The following MTFR1 variants were observed in gnomAD, a reference collection of about 807,000 sequenced individuals.
MTFR1 encodes mitochondrial fission regulator 1.
In MTFR1, 28 loss-of-function variants were observed where a neutral mutation model predicts 38.8. The ratio of observed to expected loss-of-function variants is 0.72; its 90% CI spans 0.53 to 0.99. MTFR1 has a LOEUF of 0.99. MTFR1 is among the 50% of genes least tolerant of loss of function. The pLI is 0.00. For missense variants in MTFR1, 358 were observed against 395.5 expected, an observed-to-expected ratio of 0.91 and a Z score of 0.81; for synonymous variants, 145 against 137.0, an observed-to-expected ratio of 1.06 and a Z score of -0.41.
intron 7 of MTFR1, 42 bp downstream of exon 7, chr8:65,708,053 C>CCAT (rs756529200): frequency 1.2e-6 from 2 of 1,607,588 alleles, no homozygotes; most frequent in East Asian, 4.5e-5. Flanking sequence ...ATGTAGAAAT[C>CCAT]CATCCCATTG....
chr8:65,759,110 C>T (rs567980638), intron 3 of MTFR1, among the ~76,000 whole-genome samples: 2 of 152,334 alleles, frequency 1.3e-5, no homozygotes, highest in South Asian at 4.1e-4. Flanking sequence ...TACTTGCTTG[C>T]ATTTTACGTC....
intron 3 of MTFR1, among the ~76,000 whole-genome samples, chr8:65,733,630 A>G (rs183980659): frequency 8.5e-4 from 129 of 152,264 alleles, no homozygotes; most frequent in Non-Finnish European, 1.2e-3. Context: ...TAGAGAAAAA[A>G]AAACAGTTGG....
chr8:65,749,801 C>T (rs1807851354), intron 3 of MTFR1, among the ~76,000 whole-genome samples: 1 of 152,146 alleles, frequency 6.6e-6, no homozygotes, highest in Non-Finnish European at 1.5e-5. Context: ...TGTTTACTCA[C>T]AAGGGTTTTT....
At chr8:65,698,629 A>G (rs1331195504) in intron 4 of MTFR1, among the ~76,000 whole-genome samples, 2 of 152,106 alleles carry the variant, frequency 1.3e-5, no homozygotes, top group Non-Finnish European at 2.9e-5. Context: ...TGTTTGGTGT[A>G]CAGATTATTT....
intron 3 of MTFR1, among the ~76,000 whole-genome samples, chr8:65,763,020 TGTGTGTG>T (rs1808589254): frequency 6.6e-6 from 1 of 151,280 alleles, no homozygotes; most frequent in African/African-American, 2.4e-5. Context: ...TGTGTGTGTG[TGTGTGTG>T]TGTGTGTGTG....
intron 3 of MTFR1, among the ~76,000 whole-genome samples, chr8:65,729,214 G>GC (rs928134206): frequency 6.6e-6 from 1 of 152,110 alleles, no homozygotes; most frequent in African/African-American, 2.4e-5. Flanking sequence ...TATCTGCAAA[G>GC]CCATCATTAG....
At chr8:65,693,871 T>C in intron 4 of MTFR1, 112 bp downstream of exon 4, 1 of 748,076 alleles carries the variant, frequency 1.3e-6, no homozygotes, top group South Asian at 1.7e-5. Context: ...TAATGCACCC[T>C]CTTCTTTTTC....
At chr8:65,647,366 G>A (rs1808988232) in intron 1 of MTFR1, among the ~76,000 whole-genome samples, 1 of 152,188 alleles carries the variant, frequency 6.6e-6, no homozygotes, top group Non-Finnish European at 1.5e-5. Flanking sequence ...AGGATGCAGT[G>A]CAGTGGTGTG....
Position 65,719,286 on chromosome 8 carries a change from G to C in MTFR1, c.382-94G>C, listed in dbSNP as rs774975473. 1.1e-5 allele frequency: 17 copies of C among 1,607,284 alleles called. 1 individual carries two copies. Among genetic ancestry groups the C allele is most frequent in the Non-Finnish European group, 9.4e-6 (11 of 1,173,902 alleles). On this transcript the variant is annotated intron_variant, in intron 2 of 3. Coordinates refer to the MTFR1 transcript ENST00000521247. ...GAGGCAGTTTGTCCCACTGGTTCTG[G>C]GGGTTATGATAACCGATTTTCCTGA... is the stretch of plus-strand genomic sequence containing the variant.
At position 65,665,974 on chromosome 8, in the gene MTFR1, ATACT is replaced by A. The variant is rs1804370885; in HGVS notation, c.-80-3895_-80-3892del. The stretch of plus-strand genomic sequence containing the variant: ...GTTCCTATCTAGAGATAACTTGTTA[ATACT>A]TACCATTTAGTAGGTAGCACAACAA... On this transcript the variant is annotated intron_variant, in intron 1 of 7. Coordinates refer to ENST00000262146, the MANE Select transcript of MTFR1 (RefSeq NM_014637.4). Among the ~76,000 whole-genome samples, 5 of 152,358 alleles carry A rather than the reference ATACT, an allele frequency of 3.3e-5. No homozygotes were observed. In the South Asian group the frequency reaches 8.3e-4, roughly 25 times the overall value.
intron 3 of MTFR1, chr8:65,689,491 T>G (rs940708758): frequency 3.7e-5 from 32 of 856,938 alleles, no homozygotes; most frequent in Non-Finnish European, 4.9e-5. Context: ...ATTGAATTTT[T>G]GCTCTGAATG....
chr8:65,659,774 TG>T (rs1809361500), intron 1 of MTFR1, among the ~76,000 whole-genome samples: 1 of 152,224 alleles, frequency 6.6e-6, no homozygotes, highest in South Asian at 2.1e-4. Flanking sequence ...GAAGATAAAC[TG>T]ATTCATTGTA....
chr8:65,687,933 C>T (rs1047963951), intron 3 of MTFR1, among the ~76,000 whole-genome samples: 1 of 151,758 alleles, frequency 6.6e-6, no homozygotes, highest in African/African-American at 2.4e-5. Flanking sequence ...AACTCTGTCT[C>T]TATTAAAAAT....
At chr8:65,690,556 CTTTGTTTT>C (rs1805245250) in intron 3 of MTFR1, among the ~76,000 whole-genome samples, 1 of 147,456 alleles carries the variant, frequency 6.8e-6, no homozygotes, top group Admixed American at 7.0e-5. Flanking sequence ...AAAAGTAGTA[CTTTGTTTT>C]TTTGTTTTTC....
In MTFR1 at chr8:65,709,109, T is replaced by C. The variant is rs1316218621; in HGVS notation, c.*65T>C. On this transcript the variant is annotated 3_prime_UTR_variant, in exon 8 of 8. Coordinates refer to ENST00000262146, the MANE Select transcript of MTFR1 (RefSeq NM_014637.4). ...GATTTGTGAGGGCCAAGTTTGCTAG[T>C]AGAAATCGACACTGTTTAGTAAATA... is the stretch of plus-strand genomic sequence containing the variant. 6 of 1,432,940 alleles carry C rather than the reference T, an allele frequency of 4.2e-6. No homozygotes were observed. The highest frequency in any genetic ancestry group is 4.5e-5 in the East Asian group (2 of 44,032). 88.8% of individuals were successfully genotyped at this position (1,432,940 alleles called of 1,614,324 possible). A position where few individuals can be genotyped will look rare whatever the true frequency, so the allele number is the denominator to read the frequency against.
chr8:65,656,540 T>C (rs111704674), intron 1 of MTFR1, among the ~76,000 whole-genome samples: 28,159 of 148,588 alleles, frequency 0.19, 2,843 homozygotes, highest in Middle Eastern at 0.23. Context: ...CTTTCTCTGT[T>C]GCCCAGGCTG....
chr8:65,740,674 T>TGCTGCCA (rs1428739551), intron 3 of MTFR1, among the ~76,000 whole-genome samples: 2 of 152,280 alleles, frequency 1.3e-5, no homozygotes, highest in South Asian at 4.1e-4. Context: ...TGCTGGGATT[T>TGCTGCCA]ACAGGCGTGA....
At chr8:65,721,041 C>T (rs1806355940) in intron 3 of MTFR1, among the ~76,000 whole-genome samples, 1 of 152,170 alleles carries the variant, frequency 6.6e-6, no homozygotes, top group African/African-American at 2.4e-5. Flanking sequence ...TCTGGCTCTA[C>T]GTTAACCTAA....
chr8:65,754,041 A>G (rs908545659), intron 3 of MTFR1, among the ~76,000 whole-genome samples: 2 of 152,160 alleles, frequency 1.3e-5, no homozygotes, highest in African/African-American at 4.8e-5. Flanking sequence ...TCACACGATC[A>G]CAAGGTCCCA....
Sources: allele counts gnomAD v4.1 joint callset (sites outside exome capture counted in the v4.1 genomes callset), GRCh38; gene constraint gnomAD v4.1.1; transcripts MANE v1.5; gene names NCBI Gene and HGNC (gene_info 2026-07-23, HGNC 2026-07-21).